BEND6: variants seen among roughly 807,000 people sequenced by gnomAD.
BEND6 encodes the protein BEN domain containing 6, also known as BEN domain-containing protein 6.
A neutral mutation model predicts 31.8 loss-of-function variants in BEND6; 24 were observed. The ratio of observed to expected loss-of-function variants is 0.75; its 90% CI spans 0.55 to 1.06. The LOEUF (loss-of-function observed/expected upper bound fraction) is 1.06, where lower values mean the gene tolerates loss of function less well. BEND6 is among the 50% of genes least tolerant of loss of function. The pLI, the probability that BEND6 is intolerant of heterozygous loss-of-function variation, is 0.00. For synonymous variants in BEND6, 109 were observed against 114.6 expected (o/e 0.95, Z 0.31); for missense variants, 294 against 327.4 (o/e 0.90, Z 0.79).
chr6:57,010,645 G>A (rs1827312933), intron 3 of BEND6: 1 of 922,818 alleles, frequency 1.1e-6, no homozygotes, highest in Non-Finnish European at 1.3e-6. Flanking sequence ...TGAAATGGGA[G>A]AATTTGCTAT....
intron 1 of BEND6, among the ~76,000 whole-genome samples, chr6:56,977,527 G>A (rs1825922785): frequency 6.6e-6 from 1 of 152,228 alleles, no homozygotes; most frequent in Admixed American, 6.5e-5. Context: ...AAAATGTAAA[G>A]TGTTTAAAGC....
rs1592986746 is a variant in BEND6 at position 56,981,933 on chromosome 6, T to C, written c.120+3T>C. 1 of 1,602,722 alleles carries C rather than the reference T, an allele frequency of 6.2e-7. No individual in the cohort carries two copies. Among genetic ancestry groups the C allele is most frequent in the South Asian group, 1.1e-5 (1 of 87,844 alleles). ...ATAGTGACATGGATAAAGGACAGGTTGGTTTTTTGTTACCTTGACTCAACT... is the reference window on the plus strand; with the variant it reads ...ATAGTGACATGGATAAAGGACAGGTCGGTTTTTTGTTACCTTGACTCAACT... On this transcript the variant is annotated splice_donor_region_variant and intron_variant, in intron 2 of 6. Transcript: ENST00000370746.
intron 3 of BEND6, among the ~76,000 whole-genome samples, chr6:57,007,281 A>G (rs986342139): frequency 6.6e-6 from 1 of 151,672 alleles, no homozygotes; most frequent in Admixed American, 6.6e-5. Context: ...GAGTGAGACC[A>G]TGTCTCAAAT....
chr6:57,014,737 C>T (rs1317997927), intron 3 of BEND6, among the ~76,000 whole-genome samples: 1 of 152,054 alleles, frequency 6.6e-6, no homozygotes, highest in Non-Finnish European at 1.5e-5. Context: ...CATAAACAGG[C>T]CTAATGTGAG....
chr6:56,963,835 A>G (rs772027772), intron 1 of BEND6, among the ~76,000 whole-genome samples: 1 of 112,914 alleles, frequency 8.9e-6, no homozygotes, highest in Non-Finnish European at 2.1e-5. Context: ...AAATTAATAT[A>G]ATATAACTAA....
At position 57,017,199 on chromosome 6, in the gene BEND6, CT is replaced by C. The variant is rs767193204; in HGVS notation, c.520-3del. On this transcript the variant is annotated splice_region_variant and splice_polypyrimidine_tract_variant and intron_variant, in intron 4 of 6. Transcript: ENST00000370746. ...TTTTCCAACTTCAACTCTTTCTTAT[CT>C]TTTTAGTTCCAGATTGAAAAATGGC... is the stretch of plus-strand genomic sequence containing the variant. 260 of 1,566,642 alleles carry C rather than the reference CT, an allele frequency of 1.7e-4. No individual in the cohort carries two copies. The highest frequency in any genetic ancestry group is 2.1e-4 in the Non-Finnish European group (249 of 1,158,464).
At chr6:57,019,890 C>T (rs1299836456) in intron 6 of BEND6, among the ~76,000 whole-genome samples, 6 of 152,090 alleles carry the variant, frequency 3.9e-5, no homozygotes, top group Admixed American at 1.3e-4. Context: ...CCCAGGAGTT[C>T]GAGACCAGCC....
chr6:57,004,591 C>T, intron 3 of BEND6: 1 of 981,272 alleles, frequency 1.0e-6, no homozygotes, highest in Non-Finnish European at 1.6e-6. Flanking sequence ...CAGAGGCCAA[C>T]ATCAACCTCC....
intron 2 of BEND6, among the ~76,000 whole-genome samples, chr6:56,990,244 CGCTT>C (rs1365354038): frequency 6.8e-6 from 1 of 146,010 alleles, no homozygotes; most frequent in Non-Finnish European, 1.5e-5. Flanking sequence ...TTGGGCCACT[CGCTT>C]CTTTTTTTTT....
intron 1 of BEND6, among the ~76,000 whole-genome samples, chr6:56,974,472 G>C (rs1307456059): frequency 6.6e-6 from 1 of 152,162 alleles, no homozygotes; most frequent in Non-Finnish European, 1.5e-5. Flanking sequence ...ATATAAACTT[G>C]AAGTATCAGT....
At chr6:57,004,852 A>G (rs1827096396) in intron 3 of BEND6, 1 of 650,136 alleles carries the variant, frequency 1.5e-6, no homozygotes, top group East Asian at 2.8e-5. Context: ...GCAACAAGGA[A>G]ATACAAAGAA....
At chr6:57,004,814 C>G in intron 3 of BEND6, 1 of 798,142 alleles carries the variant, frequency 1.3e-6, no homozygotes, top group South Asian at 1.4e-5. Context: ...TTAGGATTGC[C>G]TGAGCTCAGG....
chr6:56,995,230 A>AC (rs1826662391), intron 3 of BEND6, among the ~76,000 whole-genome samples: 1 of 151,954 alleles, frequency 6.6e-6, no homozygotes, highest in Admixed American at 6.6e-5. Context: ...TTTAAAAAAA[A>AC]AAAAACAAAA....
intron 3 of BEND6, among the ~76,000 whole-genome samples, chr6:57,003,662 C>T (rs1449538633): frequency 6.6e-6 from 1 of 152,154 alleles, no homozygotes; most frequent in Non-Finnish European, 1.5e-5. Flanking sequence ...GGGAAGGACT[C>T]CTCTCCAGCT....
chr6:56,984,339 T>A (rs151242685), intron 2 of BEND6, among the ~76,000 whole-genome samples: 7 of 152,360 alleles, frequency 4.6e-5, no homozygotes, highest in Admixed American at 3.9e-4. Context: ...CTAGTTCATT[T>A]GACTAGATAT....
intron 2 of BEND6, among the ~76,000 whole-genome samples, chr6:56,987,311 C>T (rs1826318636): frequency 6.6e-6 from 1 of 152,166 alleles, no homozygotes; most frequent in Admixed American, 6.6e-5. Context: ...TCCTCCAGAA[C>T]TTACCTATTC....
chr6:57,023,378 C>T (rs1039016279), intron 6 of BEND6, among the ~76,000 whole-genome samples: 3 of 152,068 alleles, frequency 2.0e-5, no homozygotes, highest in Non-Finnish European at 4.4e-5. Flanking sequence ...TATAAGTGAC[C>T]TCCTGTGTCT....
At chr6:57,020,685 G>T (rs1162124957) in intron 6 of BEND6, among the ~76,000 whole-genome samples, 1 of 152,060 alleles carries the variant, frequency 6.6e-6, no homozygotes, top group African/African-American at 2.4e-5. Flanking sequence ...GCCTCCCAAA[G>T]TGCTGGGATT....
rs1826082027 is a variant in BEND6 at position 56,981,831 on chromosome 6, A to G, written c.21A>G (p.Thr7=). 1 of 1,612,666 alleles carries G rather than the reference A, an allele frequency of 6.2e-7. No individual in the cohort carries two copies. Among genetic ancestry groups the G allele is most frequent in the Non-Finnish European group, 8.5e-7 (1 of 1,179,448 alleles). The change falls in exon 2 of 7, where the codon ACA becomes ACG. Residue 7 remains threonine (T), a synonymous_variant. Transcript: ENST00000370746. ...AGAAAATGCAGAAGATCGTGCAGAC[A>G]GATGAAATTACCAATACACAAGCTT... MQKIVQ[T]DEITNTQAFR...
Sources: allele counts gnomAD v4.1 joint callset (sites outside exome capture counted in the v4.1 genomes callset), GRCh38; gene constraint gnomAD v4.1.1; transcripts MANE v1.5; gene names NCBI Gene and HGNC (gene_info 2026-07-23, HGNC 2026-07-21).